SIK2: variants seen among roughly 807,000 people sequenced by gnomAD.
The protein encoded by SIK2 is salt inducible kinase 2, also known as serine/threonine-protein kinase SIK2.
Under a neutral mutation model 103.2 loss-of-function variants are expected in SIK2, and 29 were observed. The observed-to-expected ratio is 0.28, with a 90% CI of 0.21 to 0.38. The LOEUF is 0.38. SIK2 is among the 10% of genes least tolerant of loss of function. The pLI is 1.00. For synonymous variants in SIK2, 412 were observed against 446.1 expected (o/e 0.92, Z 0.96); for missense variants, 879 against 1,171.0 (o/e 0.75, Z 3.64).
At position 111,723,877 on chromosome 11, in the gene SIK2, G is replaced by A. The variant is rs778266408; in HGVS notation, c.2529G>A (p.Gln843=). ...RQPGAAPAPL[Q]FSYQTCELPS... ...CAGGAGCTGCCCCAGCCCCCTTACA[G>A]TTCTCCTATCAGACTTGTGAGCTGC... The change falls in exon 15 of 15, where the codon CAG becomes CAA. Residue 843 remains glutamine (Q), a synonymous_variant. Coordinates refer to ENST00000304987, the MANE Select transcript of SIK2 (RefSeq NM_015191.3). 13 of 1,602,190 alleles carry A rather than the reference G, an allele frequency of 8.1e-6. No individual in the cohort carries two copies. Among genetic ancestry groups the A allele is most frequent in the Non-Finnish European group, 1.0e-5 (12 of 1,173,934 alleles).
At chr11:111,660,667 C>G (rs564596577) in intron 3 of SIK2, among the ~76,000 whole-genome samples, 65 of 152,164 alleles carry the variant, frequency 4.3e-4, no homozygotes, top group African/African-American at 1.4e-3. Flanking sequence ...TCAATTTTGT[C>G]ATAAAAAATA....
chr11:111,666,270 C>A (rs1942540237), intron 3 of SIK2, among the ~76,000 whole-genome samples: 1 of 152,142 alleles, frequency 6.6e-6, no homozygotes, highest in Non-Finnish European at 1.5e-5. Context: ...CTTTCAGGTT[C>A]TGTGCTTTCT....
chr11:111,692,464 A>T (rs1942971909), intron 4 of SIK2, among the ~76,000 whole-genome samples: 1 of 150,868 alleles, frequency 6.6e-6, no homozygotes, highest in African/African-American at 2.4e-5. Flanking sequence ...GGATCCACAC[A>T]TGCAAAGGCT....
At chr11:111,682,009 G>C (rs966541607) in intron 3 of SIK2, among the ~76,000 whole-genome samples, 16 of 152,160 alleles carry the variant, frequency 1.1e-4, no homozygotes, top group Non-Finnish European at 1.0e-4. Flanking sequence ...CAAGCCCTCT[G>C]AGGGTTCTGA....
intron 3 of SIK2, among the ~76,000 whole-genome samples, chr11:111,663,590 C>A (rs1276777385): frequency 6.6e-6 from 1 of 152,074 alleles, no homozygotes; most frequent in Non-Finnish European, 1.5e-5. Flanking sequence ...TGGAAAGACT[C>A]ATTTTTTCAG....
At chr11:111,606,601 A>G (rs539524) in intron 1 of SIK2, among the ~76,000 whole-genome samples, 87,500 of 151,758 alleles carry the variant, frequency 0.58, 29,169 homozygotes, top group East Asian at 0.96. Context: ...TTATTAATGA[A>G]TATTATGCAA....
At chr11:111,676,827 C>G (rs1942709153) in intron 3 of SIK2, among the ~76,000 whole-genome samples, 1 of 152,200 alleles carries the variant, frequency 6.6e-6, no homozygotes, top group African/African-American at 2.4e-5. Context: ...CTTTAGACTA[C>G]ATTTCTTTCC....
chr11:111,645,104 C>T (rs1347019991), intron 3 of SIK2, among the ~76,000 whole-genome samples: 2 of 152,132 alleles, frequency 1.3e-5, no homozygotes. Flanking sequence ...TTTCAGGTAG[C>T]AACAAGTGCT....
At chr11:111,709,237 C>G (rs577152704) in intron 8 of SIK2, among the ~76,000 whole-genome samples, 8 of 152,164 alleles carry the variant, frequency 5.3e-5, no homozygotes, top group Non-Finnish European at 1.2e-4. Context: ...AGAAAGATCT[C>G]TGGTGTCTCT....
At chr11:111,629,005 T>G (rs1351613835) in intron 3 of SIK2, among the ~76,000 whole-genome samples, 11 of 152,044 alleles carry the variant, frequency 7.2e-5, no homozygotes. Context: ...AAGGGAGTTT[T>G]TTAGGAAGAT....
intron 3 of SIK2, among the ~76,000 whole-genome samples, chr11:111,656,098 GACGATC>G (rs1002710439): frequency 6.6e-6 from 1 of 151,684 alleles, no homozygotes. Flanking sequence ...GCTGAGGTGA[GACGATC>G]ACTTGAGCCT....
chr11:111,724,264 CAG>C lies in SIK2; in HGVS notation c.*138_*139del, dbSNP rs981512612. ...AGAAATCGAGCCACCCAACTGGAAT[CAG>C]AGGGTCTGGCTGGGGTGGATGTTGC... On this transcript the variant is annotated 3_prime_UTR_variant, in exon 15 of 15. Transcript: ENST00000304987. The C allele has an allele frequency of 1.2e-4, 156 of 1,281,984 alleles. No homozygotes were observed. The African/African-American group carries it at 2.2e-3, about 18-fold the overall frequency. 79.4% of individuals were successfully genotyped at this position (1,281,984 alleles called of 1,614,324 possible).
chr11:111,642,996 C>T (rs1337965117), intron 3 of SIK2, among the ~76,000 whole-genome samples: 1 of 152,104 alleles, frequency 6.6e-6, no homozygotes, highest in African/African-American at 2.4e-5. Flanking sequence ...TTTTTTATAG[C>T]TCAGTTCAGA....
chr11:111,729,421 C>G lies in SIK2; in HGVS notation c.*5292C>G, dbSNP rs1944107032. 1 of 152,262 alleles carries G rather than the reference C, an allele frequency of 6.6e-6. No individual in the cohort carries two copies. The highest frequency in any genetic ancestry group is 6.5e-5 in the Admixed American group (1 of 15,278). The allele number at this position is 152,262 out of a possible 1,614,324, so 9.4% of individuals were successfully genotyped here. ...TTACCAAGCACTTTCTCTTCTAACC[C>G]TCACAACAATTCTATGAAATTAGCT... On this transcript the variant is annotated 3_prime_UTR_variant, in exon 15 of 15. Transcript: ENST00000304987.
intron 3 of SIK2, among the ~76,000 whole-genome samples, chr11:111,643,539 G>A (rs990563460): frequency 5.3e-5 from 8 of 152,050 alleles, no homozygotes; most frequent in East Asian, 1.9e-4. Flanking sequence ...GGCTGGGCAC[G>A]GTGGCTCACG....
rs769912866 is a variant in SIK2, at chr11:111,701,551, C to A, written c.703C>A (p.Arg235=). Residue 235 remains arginine, a synonymous_variant, in exon 6 of 15, where the codon CGG becomes AGG. Coordinates refer to ENST00000304987, the MANE Select transcript of SIK2 (RefSeq NM_015191.3). This position sits in a 1 kb window ranked among gnomAD's most constrained non-coding sequence, Gnocchi z 4.2. ...LRQRVLEGRF[R]IPYFMSEDCE... Reference sequence around the variant, plus strand: ...GCAGAGGGTTCTGGAAGGAAGATTCCGGATTCCGTATTTCATGTCAGAAGG... The same window carrying A: ...GCAGAGGGTTCTGGAAGGAAGATTCAGGATTCCGTATTTCATGTCAGAAGG... The A allele has an allele frequency of 3.7e-6, 6 of 1,613,654 alleles. No homozygotes were observed. Among genetic ancestry groups the A allele is most frequent in the Non-Finnish European group, 5.1e-6 (6 of 1,179,734 alleles).
chr11:111,715,895 G>A (rs906597766), intron 9 of SIK2, among the ~76,000 whole-genome samples: 11 of 135,080 alleles, frequency 8.1e-5, no homozygotes, highest in Non-Finnish European at 1.1e-4. Context: ...TCCGCCCCCC[G>A]GGTTCAAGCG....
chr11:111,623,910 C>G (rs949983983), intron 3 of SIK2, among the ~76,000 whole-genome samples: 17 of 152,218 alleles, frequency 1.1e-4, no homozygotes, highest in Admixed American at 6.5e-5. Context: ...ACCTGGGTTT[C>G]CCCTCCCTGT....
At chr11:111,684,908 A>G (rs967548895) in intron 3 of SIK2, among the ~76,000 whole-genome samples, 3 of 152,216 alleles carry the variant, frequency 2.0e-5, no homozygotes, top group Non-Finnish European at 4.4e-5. Flanking sequence ...AAAAGAATAA[A>G]ATGCCCACTT....
Sources: allele counts gnomAD v4.1 joint callset (sites outside exome capture counted in the v4.1 genomes callset), GRCh38; gene constraint gnomAD v4.1.1; non-coding constraint Gnocchi (gnomAD v3.1); transcripts MANE v1.5; gene names NCBI Gene and HGNC (gene_info 2026-07-23, HGNC 2026-07-21).